Variants in TMEM267 observed in about 807,000 individuals in gnomAD.
The protein encoded by TMEM267 is transmembrane protein C5orf28.
TMEM267 carries 20 observed loss-of-function variants against 19.3 expected under a neutral mutation model. The ratio of observed to expected loss-of-function variants is 1.04; its 90% CI spans 0.73 to 1.51. The LOEUF (loss-of-function observed/expected upper bound fraction) is 1.51. Among genes scored for constraint, TMEM267 ranks in the 40% most tolerant of loss-of-function variants. The pLI is 0.00. For missense variants in TMEM267, 242 were observed against 261.9 expected, an observed-to-expected ratio of 0.92 and a Z score of 0.52; for synonymous variants, 88 against 90.3, an observed-to-expected ratio of 0.97 and a Z score of 0.15.
intron 1 of TMEM267, among the ~76,000 whole-genome samples, chr5:43,476,724 T>C (rs1486512756): frequency 6.6e-6 from 1 of 151,558 alleles, no homozygotes; most frequent in Non-Finnish European, 1.5e-5. Context: ...TACATAAAGG[T>C]GAATACAAAA....
At chr5:43,446,909 G>A (rs896260756) in intron 2 of TMEM267, among the ~76,000 whole-genome samples, 2 of 151,988 alleles carry the variant, frequency 1.3e-5, no homozygotes, top group Admixed American at 6.5e-5. Context: ...GGGCCTCTAA[G>A]AGCACTGTAA....
At chr5:43,467,785 T>C (rs1258907726) in intron 1 of TMEM267, among the ~76,000 whole-genome samples, 1 of 152,108 alleles carries the variant, frequency 6.6e-6, no homozygotes, top group African/African-American at 2.4e-5. Context: ...ATTCAAGTCA[T>C]CCCTTTGCTC....
chr5:43,456,062 C>T (rs553671092), intron 1 of TMEM267, among the ~76,000 whole-genome samples: 2 of 151,896 alleles, frequency 1.3e-5, no homozygotes, highest in African/African-American at 2.4e-5. Flanking sequence ...TAGCTGGTCT[C>T]GAACTCCTGG....
At chr5:43,455,377 C>T (rs76938017) in intron 1 of TMEM267, among the ~76,000 whole-genome samples, 9,022 of 151,084 alleles carry the variant, frequency 0.06, 442 homozygotes, top group African/African-American at 0.13. Context: ...GGGCTGTAAT[C>T]GTGCTACTGC....
intron 1 of TMEM267, among the ~76,000 whole-genome samples, chr5:43,477,063 C>T (rs1744470664): frequency 6.6e-6 from 1 of 150,512 alleles, no homozygotes; most frequent in Non-Finnish European, 1.5e-5. Flanking sequence ...GTGGTGTACA[C>T]CTGTAGTCCT....
intron 1 of TMEM267, among the ~76,000 whole-genome samples, chr5:43,459,432 C>T (rs1436145138): frequency 6.6e-6 from 1 of 152,090 alleles, no homozygotes; most frequent in East Asian, 1.9e-4. Context: ...CAAACATAAT[C>T]AGATTGGGGC....
chr5:43,458,713 G>GTACA (rs1743091514), intron 1 of TMEM267, among the ~76,000 whole-genome samples: 1 of 152,090 alleles, frequency 6.6e-6, no homozygotes, highest in South Asian at 2.1e-4. Flanking sequence ...AGTTAGGAAG[G>GTACA]TACACTTCAT....
At chr5:43,466,548 G>A (rs1743690294) in intron 1 of TMEM267, among the ~76,000 whole-genome samples, 1 of 152,060 alleles carries the variant, frequency 6.6e-6, no homozygotes, top group African/African-American at 2.4e-5. Flanking sequence ...TGAGCAATAA[G>A]AAATAATTTG....
rs776723482 is a variant in TMEM267, at chr5:43,453,825, G to A, written c.145C>T (p.Arg49Cys). 20 of 1,613,960 alleles carry A rather than the reference G, an allele frequency of 1.2e-5. No homozygotes were observed. Among genetic ancestry groups the A allele is most frequent in the Non-Finnish European group, 1.6e-5 (19 of 1,179,996 alleles). ...FSTIQQNDWL[R>C]ALSDNAVHCV... ...TGTACTGCATTATCTGAGAGAGCACGAAGCCAGTCATTTTGCTGAATTGTG... is the reference window on the plus strand; with the variant it reads ...TGTACTGCATTATCTGAGAGAGCACAAAGCCAGTCATTTTGCTGAATTGTG... The change falls in exon 2 of 3, where the codon CGT (arginine) becomes TGT (cysteine). Residue 49 changes from arginine to cysteine, a missense_variant. Physicochemically the swap from Arg to Cys is radical, Grantham distance 180 (BLOSUM62 -3). Coordinates refer to ENST00000397080, the MANE Select transcript of TMEM267 (RefSeq NM_022483.5).
intron 1 of TMEM267, among the ~76,000 whole-genome samples, chr5:43,461,142 G>T (rs1302853405): frequency 6.6e-6 from 1 of 152,128 alleles, no homozygotes; most frequent in Non-Finnish European, 1.5e-5. Flanking sequence ...CCCCATTCCA[G>T]GCCCTAGTTC....
rs996807654 is a variant in TMEM267, at chr5:43,445,633, C to T, written c.*589G>A. ...GCTACTGGATATTATAATGATGTGTCACAAGTGCTCTGAAGGTTTTGCCAG... is the reference window on the plus strand; with the variant it reads ...GCTACTGGATATTATAATGATGTGTTACAAGTGCTCTGAAGGTTTTGCCAG... On this transcript the variant is annotated 3_prime_UTR_variant, in exon 3 of 3. Coordinates refer to ENST00000397080, the MANE Select transcript of TMEM267 (RefSeq NM_022483.5). 6.6e-6 allele frequency: 1 copy of T among 152,122 alleles called. No homozygotes were observed. The highest frequency in any genetic ancestry group is 1.5e-5 in the Non-Finnish European group (1 of 68,020). The allele number at this position is 152,122 out of a possible 1,614,324, so 9.4% of individuals were successfully genotyped here. A position where few individuals can be genotyped will look rare whatever the true frequency, so the allele number is the denominator to read the frequency against.
At chr5:43,459,546 A>G (rs1322359179) in intron 1 of TMEM267, among the ~76,000 whole-genome samples, 1 of 152,216 alleles carries the variant, frequency 6.6e-6, no homozygotes, top group Non-Finnish European at 1.5e-5. Flanking sequence ...TCTAAGAAAT[A>G]CAAACAAAAT....
chr5:43,471,343 T>C (rs1744052193), intron 1 of TMEM267, among the ~76,000 whole-genome samples: 1 of 152,048 alleles, frequency 6.6e-6, no homozygotes, highest in African/African-American at 2.4e-5. Context: ...GGAATCAATA[T>C]TGTTAAAATG....
At chr5:43,474,576 A>T (rs1344279349) in intron 1 of TMEM267, among the ~76,000 whole-genome samples, 1 of 152,062 alleles carries the variant, frequency 6.6e-6, no homozygotes. Flanking sequence ...CCTGACCAAC[A>T]CGGAGAAATC....
chr5:43,471,000 GT>G (rs1447242242), intron 1 of TMEM267, among the ~76,000 whole-genome samples: 1 of 151,886 alleles, frequency 6.6e-6, no homozygotes, highest in Admixed American at 6.6e-5. Flanking sequence ...CACAAGGTTG[GT>G]TTTTTTAAAA....
rs1336147807 is a variant in TMEM267 at position 43,445,561 on chromosome 5, T to C, written c.*661A>G. 1 of 152,188 alleles carries C rather than the reference T, an allele frequency of 6.6e-6. No individual in the cohort carries two copies. The highest frequency in any genetic ancestry group is 1.5e-5 in the Non-Finnish European group (1 of 68,002). The allele number at this position is 152,188 out of a possible 1,614,324, so 9.4% of individuals were successfully genotyped here. On this transcript the variant is annotated 3_prime_UTR_variant, in exon 3 of 3. Transcript: ENST00000397080. The stretch of plus-strand genomic sequence containing the variant: ...TACTGTAGCCAACATGTTTTAATAA[T>C]TATTTCCTAAATTAATTTCTGAAAT...
chr5:43,474,911 G>A (rs1298597385), intron 1 of TMEM267, among the ~76,000 whole-genome samples: 1 of 152,112 alleles, frequency 6.6e-6, no homozygotes, highest in East Asian at 1.9e-4. Context: ...AAATAGGAAC[G>A]CTTTTACACT....
chr5:43,458,943 T>C (rs768877070), intron 1 of TMEM267, among the ~76,000 whole-genome samples: 7 of 151,050 alleles, frequency 4.6e-5, no homozygotes, highest in Non-Finnish European at 5.9e-5. Flanking sequence ...AGACAAAGAG[T>C]TGGGCATTGA....
intron 2 of TMEM267, 39 bp from the exon 3 acceptor site, chr5:43,446,596 T>C (rs1742254708): frequency 7.5e-7 from 1 of 1,336,448 alleles, no homozygotes; most frequent in Non-Finnish European, 1.0e-6. Flanking sequence ...ATTTCCTTTC[T>C]AGCAAAACAA....
Sources: gnomAD v4.1 joint callset for allele counts (sites outside exome capture counted in the v4.1 genomes callset) on GRCh38, gnomAD v4.1.1 for gene constraint, MANE v1.5 for transcripts, NCBI Gene and HGNC (gene_info 2026-07-23, HGNC 2026-07-21) for gene names.